Variants in HEYL observed in about 807,000 individuals in gnomAD.
HEYL encodes hairy/enhancer-of-split related with YRPW motif-like protein.
Under a neutral mutation model 18.6 loss-of-function variants are expected in HEYL, and 12 were observed. The observed-to-expected ratio is 0.65, with a 90% confidence interval of 0.41 to 1.05. The LOEUF is 1.05. HEYL is among the 50% of genes least tolerant of loss of function. HEYL has a pLI of 0.00. For synonymous variants in HEYL, 159 were observed against 179.6 expected (o/e 0.89, Z 0.91); for missense variants, 420 against 444.7 (o/e 0.94, Z 0.50).
chr1:39,629,429 C>T (rs1410818099), intron 4 of HEYL, among the ~76,000 whole-genome samples: 3 of 152,222 alleles, frequency 2.0e-5, no homozygotes, highest in Admixed American at 6.5e-5. Flanking sequence ...TCTAGACCTA[C>T]TGCCTCAGAA....
At chr1:39,627,520 A>G (rs1286445974) in intron 4 of HEYL, among the ~76,000 whole-genome samples, 2 of 152,268 alleles carry the variant, frequency 1.3e-5, no homozygotes, top group Non-Finnish European at 2.9e-5. Flanking sequence ...CAGATATGAA[A>G]GGTTATGCAC....
chr1:39,631,306 T>C (rs1015550753), intron 3 of HEYL, among the ~76,000 whole-genome samples, 190 bp downstream of exon 3: 1 of 152,044 alleles, frequency 6.6e-6, no homozygotes, highest in African/African-American at 2.4e-5. Context: ...AATGGGATGA[T>C]AGACATAAAG....
rs758881317 is a variant in HEYL at position 39,627,034 on chromosome 1, T to G, written c.460A>C (p.Asn154His). The change falls in exon 5 of 5, where the codon AAC becomes CAC. Residue 154 changes from asparagine to histidine, a missense_variant. Physicochemically the swap from Asn to His is moderately conservative, Grantham distance 68 (BLOSUM62 1). Transcript: ENST00000372852. ...PVRIRLLSHL[N>H]SYAAEMEPSP... The stretch of plus-strand genomic sequence containing the variant: ...GGCTCCATCTCGGCTGCGTAGCTGT[T>G]GAGGTGGGAGAGAAGGCGAATCCGG... 6.2e-6 allele frequency: 10 copies of G among 1,613,888 alleles called. No homozygotes were observed. The highest frequency in any genetic ancestry group is 3.3e-5 in the Admixed American group (2 of 59,998).
In HEYL at chr1:39,626,826, C is replaced by G. The variant is rs766546094; in HGVS notation, c.668G>C (p.Arg223Pro). The G allele has an allele frequency of 5.1e-6, 8 of 1,568,170 alleles. No individual in the cohort carries two copies. The highest frequency in any genetic ancestry group is 6.9e-6 in the Non-Finnish European group (8 of 1,156,322). ...PIPALRTAPLRRATGIILPAR... is the reference protein window; with the variant it reads ...PIPALRTAPLPRATGIILPAR... ...TGGCAGGATGATGCCTGTGGCTCTGCGAAGGGGAGCGGTTCGGAGGGCTGG... is the reference window on the plus strand; with the variant it reads ...TGGCAGGATGATGCCTGTGGCTCTGGGAAGGGGAGCGGTTCGGAGGGCTGG... Residue 223 changes from arginine (R) to proline (P), a missense_variant, in exon 5 of 5, where the codon CGC becomes CCC. Transcript: ENST00000372852.
At position 39,626,325 on chromosome 1, in the gene HEYL, A is replaced by T. The variant is rs1646296507; in HGVS notation, c.*182T>A. 1 of 586,274 alleles carries T rather than the reference A, an allele frequency of 1.7e-6. No homozygotes were observed. The highest frequency in any genetic ancestry group is 1.9e-5 in the African/African-American group (1 of 52,578). 36.3% of individuals were successfully genotyped at this position (586,274 alleles called of 1,614,324 possible). A position where few individuals can be genotyped will look rare whatever the true frequency, so the allele number is the denominator to read the frequency against. On this transcript the variant is annotated 3_prime_UTR_variant, in exon 5 of 5. Coordinates refer to ENST00000372852, the MANE Select transcript of HEYL (RefSeq NM_014571.4). Reference sequence around the variant, plus strand: ...ACAGCTCCAGGAGAGCTGGGTGGATAAGCTGGGATAACAGTGAGAAGGAGA... The same window carrying T: ...ACAGCTCCAGGAGAGCTGGGTGGATTAGCTGGGATAACAGTGAGAAGGAGA...
Position 39,631,577 on chromosome 1 carries a change from G to T in HEYL, c.150C>A (p.Ile50=), listed in dbSNP as rs201520391. The change falls in exon 3 of 5, where the codon ATC becomes ATA. Residue 50 remains isoleucine, a splice_region_variant and synonymous_variant. Transcript: ENST00000372852. ...QMQARKKHRG[I]IEKRRRDRIN... ...TGCGGTCTCGACGCCGTTTCTCTAT[G>T]ATCTAAACAATCATGACAAGAAGTT... The T allele has an allele frequency of 6.2e-7, 1 of 1,613,994 alleles. No individual in the cohort carries two copies. Among genetic ancestry groups the T allele is most frequent in the Non-Finnish European group, 8.5e-7 (1 of 1,179,836 alleles).
In HEYL at chr1:39,624,072, G is replaced by A. The variant is rs1043602900; in HGVS notation, c.*2435C>T. 2 of 152,316 alleles carry A rather than the reference G, an allele frequency of 1.3e-5. No homozygotes were observed. The highest frequency in any genetic ancestry group is 2.9e-5 in the Non-Finnish European group (2 of 68,074). The allele number at this position is 152,316 out of a possible 1,614,324, so 9.4% of individuals were successfully genotyped here. ...AGGGCAGTGATCTGGGGGAGGTGAT[G>A]TGGCCTGGCCAGGATGGCTGTGGGT... On this transcript the variant is annotated 3_prime_UTR_variant, in exon 5 of 5. Transcript: ENST00000372852.
In HEYL at chr1:39,626,603, G is replaced by A; in HGVS notation, c.891C>T (p.Thr297=). The change falls in exon 5 of 5, where the codon ACC becomes ACT. Residue 297 remains threonine, a synonymous_variant. Transcript: ENST00000372852. ...CTGGCCCTGGGGAGGATGAGTTGGGGGTGGGAACAGCCACGTAAGCAGCCG... is the reference window on the plus strand; with the variant it reads ...CTGGCCCTGGGGAGGATGAGTTGGGAGTGGGAACAGCCACGTAAGCAGCCG... The part of the protein sequence containing the change: ...TGSAAYVAVP[T]PNSSSPGPAG... The A allele has an allele frequency of 6.4e-7, 1 of 1,555,146 alleles. No individual in the cohort carries two copies. Among genetic ancestry groups the A allele is most frequent in the Non-Finnish European group, 8.7e-7 (1 of 1,150,804 alleles).
At chr1:39,629,996 G>A (rs1646323290) in intron 4 of HEYL, among the ~76,000 whole-genome samples, 1 of 152,204 alleles carries the variant, frequency 6.6e-6, no homozygotes, top group African/African-American at 2.4e-5. Context: ...GCGCCTCCCA[G>A]GTCTAAGACT....
At position 39,623,789 on chromosome 1, in the gene HEYL, G is replaced by A. The variant is rs1210347918; in HGVS notation, c.*2718C>T. 6.6e-6 allele frequency among the ~76,000 whole-genome samples: 1 copy of A among 152,222 alleles called. No individual in the cohort carries two copies. Among genetic ancestry groups the A allele is most frequent in the Non-Finnish European group, 1.5e-5 (1 of 68,038 alleles). On this transcript the variant is annotated 3_prime_UTR_variant, in exon 5 of 5. Transcript: ENST00000372852. ...GCAAAGGGAACAGCATATGCAAAGT[G>A]CTGGAGGTGGGAACAAGGCTGGAAT...
rs41264503 is a variant in HEYL, at chr1:39,626,999, C to T, written c.495G>A (p.Thr165=). Residue 165 remains threonine (T), a synonymous_variant, in exon 5 of 5, where the codon ACG becomes ACA. Coordinates refer to ENST00000372852, the MANE Select transcript of HEYL (RefSeq NM_014571.4). ...CAGGGAAGGCCAAAGGGCCAGTGGG[C>T]GTGGGCGAAGGCTCCATCTCGGCTG... ...SYAAEMEPSP[T]PTGPLAFPAW... 6.1e-3 allele frequency: 9,922 copies of T among 1,614,080 alleles called. 185 individuals are homozygous for T. The highest frequency in any genetic ancestry group is 0.059 in the Admixed American group (3,521 of 60,024).
At chr1:39,636,001 A>AT (rs1646360802) in intron 1 of HEYL, among the ~76,000 whole-genome samples, 2 of 152,134 alleles carry the variant, frequency 1.3e-5, no homozygotes, top group Non-Finnish European at 2.9e-5. Context: ...GCGGTCTCTT[A>AT]TGGGGGGAAG....
rs541573304 is a variant in HEYL at position 39,635,143 on chromosome 1, G to A, written c.81-2428C>T. 4.6e-5 allele frequency among the ~76,000 whole-genome samples: 7 copies of A among 152,304 alleles called. No homozygotes were observed. In the South Asian group the frequency reaches 8.3e-4, roughly 18 times the overall value. ...CTTTGTCCAGACACATCTGGAAAAG[G>A]ATATCTCCCACCCAAACATCTGGAC... On this transcript the variant is annotated intron_variant, in intron 1 of 4. Transcript: ENST00000372852.
At chr1:39,630,823 G>A (rs1046370734) in intron 3 of HEYL, among the ~76,000 whole-genome samples, 4 of 152,246 alleles carry the variant, frequency 2.6e-5, no homozygotes, top group Admixed American at 2.6e-4. Context: ...TGCTTCCTAA[G>A]CTTTCCAGGT....
At chr1:39,632,950 T>C in intron 1 of HEYL, 3 of 984,862 alleles carry the variant, frequency 3.0e-6, no homozygotes, top group Non-Finnish European at 3.6e-6. Context: ...TCCTCGCTCC[T>C]CGCCCCTCGC....
intron 1 of HEYL, among the ~76,000 whole-genome samples, chr1:39,634,330 G>C (rs865936371): frequency 1.3e-5 from 2 of 152,228 alleles, no homozygotes; most frequent in Non-Finnish European, 2.9e-5. Context: ...CCTGACCTCA[G>C]GTGATCTGCC....
Position 39,626,503 on chromosome 1 carries a change from C to T in HEYL, c.*4G>A. On this transcript the variant is annotated 3_prime_UTR_variant, in exon 5 of 5. Coordinates refer to ENST00000372852, the MANE Select transcript of HEYL (RefSeq NM_014571.4). Reference sequence around the variant, plus strand: ...TCCTTGGGGCGGGGTGGTGAAGGGGCAGCTCAGAAAGCCCCGATTTCAGTG... The same window carrying T: ...TCCTTGGGGCGGGGTGGTGAAGGGGTAGCTCAGAAAGCCCCGATTTCAGTG... 6.6e-7 allele frequency: 1 copy of T among 1,508,958 alleles called. No individual in the cohort carries two copies. The highest frequency in any genetic ancestry group is 8.8e-7 in the Non-Finnish European group (1 of 1,130,428). 93.5% of individuals were successfully genotyped at this position (1,508,958 alleles called of 1,614,324 possible).
intron 4 of HEYL, among the ~76,000 whole-genome samples, chr1:39,629,289 C>T (rs2124110893): frequency 6.6e-6 from 1 of 152,296 alleles, no homozygotes. Flanking sequence ...TTGAATCTCC[C>T]CCATTGGTTC....
intron 4 of HEYL, among the ~76,000 whole-genome samples, chr1:39,628,695 T>G (rs535623706): frequency 1.2e-4 from 18 of 152,328 alleles, no homozygotes; most frequent in African/African-American, 4.3e-4. Context: ...CCTTCTGGGT[T>G]CATGCCATTC....
Sources: allele counts gnomAD v4.1 joint callset (sites outside exome capture counted in the v4.1 genomes callset), GRCh38; gene constraint gnomAD v4.1.1; transcripts MANE v1.5; gene names NCBI Gene and HGNC (gene_info 2026-07-23, HGNC 2026-07-21).